The following ADCY1 variants were observed in gnomAD, a reference collection of about 807,000 sequenced individuals.
The protein encoded by ADCY1 is adenylate cyclase 1, also known as adenylate cyclase type 1.
Under a neutral mutation model 105.4 loss-of-function variants are expected in ADCY1, and 28 were observed. The ratio of observed to expected loss-of-function variants is 0.27; its 90% CI spans 0.20 to 0.36. The LOEUF is 0.36. ADCY1 is among the 10% of genes least tolerant of loss of function. ADCY1 has a pLI of 1.00. For missense variants in ADCY1, 977 were observed against 1,434.2 expected (o/e 0.68, Z 5.15); for synonymous variants, 655 against 623.8 (o/e 1.05, Z -0.75).
intron 3 of ADCY1, among the ~76,000 whole-genome samples, chr7:45,616,998 A>G (rs573586807): frequency 2.0e-5 from 3 of 152,334 alleles, no homozygotes; most frequent in African/African-American, 7.2e-5. Context: ...TTTTGAATCC[A>G]TCTTAGAAAG....
chr7:45,613,806 C>T (rs1203912011), intron 3 of ADCY1, among the ~76,000 whole-genome samples: 6 of 152,082 alleles, frequency 3.9e-5, no homozygotes, highest in African/African-American at 1.4e-4. Flanking sequence ...ACAGAACCAG[C>T]GTAGGATAAT....
At chr7:45,711,632 T>C (rs1584348533) in intron 19 of ADCY1, among the ~76,000 whole-genome samples, 1 of 25,036 alleles carries the variant, frequency 4.0e-5, no homozygotes, top group African/African-American at 1.0e-4. Flanking sequence ...TATATATATA[T>C]ATATATATAT....
intron 4 of ADCY1, among the ~76,000 whole-genome samples, chr7:45,641,932 C>CAAAA (rs56808890): frequency 0.046 from 1,686 of 36,404 alleles, 265 homozygotes; most frequent in African/African-American, 0.12. Flanking sequence ...GACTCCGTCT[C>CAAAA]AAAAAAAAAA....
intron 2 of ADCY1, among the ~76,000 whole-genome samples, chr7:45,601,452 C>T (rs1242974700): frequency 6.6e-6 from 1 of 152,156 alleles, no homozygotes; most frequent in Admixed American, 6.5e-5. Context: ...TAGCCTGCTC[C>T]TCTGATCAGG....
chr7:45,631,088 C>T (rs1322504391), intron 4 of ADCY1, among the ~76,000 whole-genome samples: 2 of 152,168 alleles, frequency 1.3e-5, no homozygotes, highest in Admixed American at 6.5e-5. Context: ...ACAAGGTTTA[C>T]ACTCAATATA....
chr7:45,659,324 C>A (rs984776684), intron 6 of ADCY1, among the ~76,000 whole-genome samples: 1 of 152,236 alleles, frequency 6.6e-6, no homozygotes, highest in Non-Finnish European at 1.5e-5. Flanking sequence ...GCGAGGAGTT[C>A]AGAAGGTTGT....
intron 4 of ADCY1, among the ~76,000 whole-genome samples, chr7:45,639,185 G>A (rs1794475887): frequency 6.6e-6 from 1 of 152,202 alleles, no homozygotes; most frequent in Non-Finnish European, 1.5e-5. Context: ...GTAGCTGATG[G>A]TTTATTTACC....
chr7:45,721,460 T>G lies in ADCY1; in HGVS notation c.*7465T>G, dbSNP rs1373115028. On this transcript the variant is annotated 3_prime_UTR_variant, in exon 20 of 20. Coordinates refer to ENST00000297323, the MANE Select transcript of ADCY1 (RefSeq NM_021116.4). ...AATCTCCTTAAGAGCTGTTGCCTTA[T>G]TTTTTTGTAAAGCCTCTCTGACATC... 1 of 388,176 alleles carries G rather than the reference T, an allele frequency of 2.6e-6. No individual in the cohort carries two copies. The highest frequency in any genetic ancestry group is 4.5e-6 in the Non-Finnish European group (1 of 220,056). 24.0% of individuals were successfully genotyped at this position (388,176 alleles called of 1,614,324 possible). A position where few individuals can be genotyped will look rare whatever the true frequency, so the allele number is the denominator to read the frequency against.
chr7:45,628,796 G>A lies in ADCY1; in HGVS notation c.1020+6053G>A, dbSNP rs185397533. 3.0e-3 allele frequency among the ~76,000 whole-genome samples: 451 copies of A among 152,300 alleles called. 1 individual carries two copies. Among genetic ancestry groups the A allele is most frequent in the Middle Eastern group, 0.01 (3 of 294 alleles). On this transcript the variant is annotated intron_variant, in intron 4 of 19. Transcript: ENST00000297323. ...TAGTGCCTGCCTTCCGATAATGCGT[G>A]TGAGTTCTGTGGTTCAGTACCTCTG...
intron 5 of ADCY1, among the ~76,000 whole-genome samples, chr7:45,650,885 G>A (rs1292895223): frequency 6.6e-6 from 1 of 152,098 alleles, no homozygotes; most frequent in African/African-American, 2.4e-5. Flanking sequence ...GAGCTGCCTG[G>A]AGCTGCAAAC....
At chr7:45,664,522 A>G in intron 8 of ADCY1, 1 of 1,377,150 alleles carries the variant, frequency 7.3e-7, no homozygotes, top group South Asian at 1.8e-5. Flanking sequence ...TATGGAAAAT[A>G]TGGAGAACAC....
chr7:45,588,943 C>T (rs1425100416), intron 1 of ADCY1, among the ~76,000 whole-genome samples: 1 of 151,976 alleles, frequency 6.6e-6, no homozygotes, highest in Non-Finnish European at 1.5e-5. Context: ...CATGGTGCTC[C>T]AGGCTCACCC....
At position 45,703,710 on chromosome 7, in the gene ADCY1, G is replaced by A; in HGVS notation, c.2682G>A (p.Leu894=). The A allele has an allele frequency of 6.2e-7, 1 of 1,601,538 alleles. No homozygotes were observed. The highest frequency in any genetic ancestry group is 8.5e-7 in the Non-Finnish European group (1 of 1,173,160). The change falls in exon 16 of 20, where the codon CTG becomes CTA. Residue 894 remains leucine, a synonymous_variant. Transcript: ENST00000297323. This position sits in a 1 kb window ranked among gnomAD's most constrained non-coding sequence, Gnocchi z 5.9. ...GCAACAACATGGGGGTGGAGTGTCT[G>A]CGGCTTCTCAACGAGATCATCGCCG... ...LDGNNMGVEC[L]RLLNEIIADF... is the part of the protein sequence containing the mutation.
At chr7:45,660,277 C>A in intron 7 of ADCY1, 94 bp downstream of exon 7, 6 of 1,511,212 alleles carry the variant, frequency 4.0e-6, no homozygotes, top group Non-Finnish European at 5.4e-6. Context: ...CCTCTCCAAG[C>A]ACTGCTTCTC....
chr7:45,716,526 C>G lies in ADCY1; in HGVS notation c.*2531C>G. On this transcript the variant is annotated 3_prime_UTR_variant, in exon 20 of 20. Coordinates refer to ENST00000297323, the MANE Select transcript of ADCY1 (RefSeq NM_021116.4). The stretch of plus-strand genomic sequence containing the variant: ...TGCGGTGGTGGTGAGTGTGGCTGCC[C>G]TGGCTCCCCCAGCTCACCGTGGTGC... 1 of 153,038 alleles carries G rather than the reference C, an allele frequency of 6.5e-6. No individual in the cohort carries two copies. The highest frequency in any genetic ancestry group is 1.5e-5 in the Non-Finnish European group (1 of 68,768). The allele number at this position is 153,038 out of a possible 1,614,324, so 9.5% of individuals were successfully genotyped here.
Position 45,662,112 on chromosome 7 carries a change from C to T in ADCY1, c.1503C>T (p.Phe501=). Residue 501 remains phenylalanine (F), a synonymous_variant, in exon 8 of 20, where the codon TTC becomes TTT. Coordinates refer to ENST00000297323, the MANE Select transcript of ADCY1 (RefSeq NM_021116.4). ...TAAAACCGGCCAAAAGGATGAAGTT[C>T]AAGACTGTCTGCTACCTGCTGGTGC... is the stretch of plus-strand genomic sequence containing the variant. ...SDIKPAKRMK[F]KTVCYLLVQL... 1 of 1,614,138 alleles carries T rather than the reference C, an allele frequency of 6.2e-7. No homozygotes were observed. The highest frequency in any genetic ancestry group is 8.5e-7 in the Non-Finnish European group (1 of 1,180,008).
chr7:45,651,180 C>T lies in ADCY1; in HGVS notation c.1148+2383C>T, dbSNP rs1168099486. On this transcript the variant is annotated intron_variant, in intron 5 of 19. Transcript: ENST00000297323. Reference sequence around the variant, plus strand: ...CGCCAGAGTTCCTGTCACTCAGCTTCCTGGCTCTGGACCGGAAGAAAAGCC... The same window carrying T: ...CGCCAGAGTTCCTGTCACTCAGCTTTCTGGCTCTGGACCGGAAGAAAAGCC... 2.6e-5 allele frequency among the ~76,000 whole-genome samples: 4 copies of T among 152,316 alleles called. No individual in the cohort carries two copies. The East Asian group carries it at 5.8e-4, about 22-fold the overall frequency.
At chr7:45,678,115 C>T in intron 9 of ADCY1, 51 bp from the exon 10 acceptor site, 2 of 1,613,696 alleles carry the variant, frequency 1.2e-6, no homozygotes, top group Non-Finnish European at 8.5e-7. Context: ...AAGGCGCTGC[C>T]TGGCTGGAGG....
intron 4 of ADCY1, among the ~76,000 whole-genome samples, chr7:45,636,579 C>T (rs866417599): frequency 1.4e-4 from 22 of 152,142 alleles, no homozygotes; most frequent in South Asian, 2.1e-4. Context: ...GACAGAGTCT[C>T]GCTCAGGCTG....
Sources: gnomAD v4.1 joint callset for allele counts (sites outside exome capture counted in the v4.1 genomes callset) on GRCh38, gnomAD v4.1.1 for gene constraint, Gnocchi (gnomAD v3.1) non-coding constraint, MANE v1.5 for transcripts, NCBI Gene and HGNC (gene_info 2026-07-23, HGNC 2026-07-21) for gene names.